Variants in LAT2 observed in about 807,000 individuals in gnomAD.
LAT2 encodes the protein linker for activation of T-cells family member 2.
LAT2 carries 23 observed loss-of-function variants against 43.4 expected under a neutral mutation model. The ratio of observed to expected loss-of-function variants is 0.53; its 90% CI spans 0.38 to 0.75. The LOEUF (loss-of-function observed/expected upper bound fraction) is 0.75, where lower values mean the gene tolerates loss of function less well. LAT2 is among the 30% of genes least tolerant of loss of function. The pLI is 0.00. For synonymous variants in LAT2, 128 were observed against 123.2 expected (o/e 1.04, Z -0.26); for missense variants, 284 against 310.2 (o/e 0.92, Z 0.64).
rs567869295 is a variant in LAT2 at position 74,214,900 on chromosome 7, C to T, written c.-140C>T. 4.1e-5 allele frequency: 6 copies of T among 146,720 alleles called. No homozygotes were observed. The highest frequency in any genetic ancestry group is 8.9e-5 in the Non-Finnish European group (6 of 67,450). 9.1% of individuals were successfully genotyped at this position (146,720 alleles called of 1,614,324 possible). A position where few individuals can be genotyped will look rare whatever the true frequency, so the allele number is the denominator to read the frequency against. Reference sequence around the variant, plus strand: ...GATCCTCCCTGCCTCGGCCTCCCAACGTGCTGGGATTATAGGCGTGAGCCA... The same window carrying T: ...GATCCTCCCTGCCTCGGCCTCCCAATGTGCTGGGATTATAGGCGTGAGCCA... On this transcript the variant is annotated 5_prime_UTR_variant, in exon 2 of 14. The change creates a new upstream start codon in the 5' untranslated region. Coordinates refer to ENST00000460943, the MANE Select transcript of LAT2 (RefSeq NM_032464.3).
At chr7:74,216,423 G>A (rs1373196855) in intron 3 of LAT2, among the ~76,000 whole-genome samples, 3 of 152,074 alleles carry the variant, frequency 2.0e-5, no homozygotes, top group African/African-American at 7.2e-5. Flanking sequence ...CCAGGCTGGA[G>A]GGCAGTGATG....
intron 1 of LAT2, among the ~76,000 whole-genome samples, chr7:74,213,484 G>A (rs913156666): frequency 6.1e-5 from 9 of 148,256 alleles, no homozygotes; most frequent in African/African-American, 2.3e-4. Flanking sequence ...GAGTGCAGTG[G>A]CATGATCTCG....
At chr7:74,223,815 C>T (rs781909218) in intron 11 of LAT2, 32 bp downstream of exon 11, 1 of 1,605,526 alleles carries the variant, frequency 6.2e-7, no homozygotes, top group South Asian at 1.1e-5. Context: ...CAGGCTGGGG[C>T]TGGGAGCAGC....
chr7:74,228,272 C>G (rs1250398915), intron 13 of LAT2, among the ~76,000 whole-genome samples: 8 of 145,870 alleles, frequency 5.5e-5, no homozygotes, highest in Non-Finnish European at 9.0e-5. Context: ...GTCAGGAGAT[C>G]GAGACCATCC....
At chr7:74,213,764 C>T (rs1255095582) in intron 1 of LAT2, among the ~76,000 whole-genome samples, 1 of 152,002 alleles carries the variant, frequency 6.6e-6, no homozygotes, top group Non-Finnish European at 1.5e-5. Context: ...CTCCAAGCCT[C>T]ACCTTCCCCA....
intron 3 of LAT2, 46 bp from the exon 4 acceptor site, chr7:74,216,779 C>G: frequency 6.3e-7 from 1 of 1,587,196 alleles, no homozygotes; most frequent in South Asian, 1.1e-5. Context: ...GACCTCAGGT[C>G]GCAGCTGCTC....
chr7:74,214,380 A>G (rs1554713763), intron 1 of LAT2, among the ~76,000 whole-genome samples: 31 of 70,420 alleles, frequency 4.4e-4, no homozygotes, highest in African/African-American at 1.4e-3. Context: ...ATATGAAAAT[A>G]TATATATAAA....
intron 4 of LAT2, among the ~76,000 whole-genome samples, chr7:74,219,185 C>T (rs891367826): frequency 2.6e-5 from 4 of 151,620 alleles, no homozygotes; most frequent in Admixed American, 6.6e-5. Flanking sequence ...TACAGGCGCC[C>T]GCCACCGCGC....
chr7:74,212,648 TC>T (rs1267999295), intron 1 of LAT2, among the ~76,000 whole-genome samples: 25 of 152,252 alleles, frequency 1.6e-4, no homozygotes, highest in African/African-American at 6.0e-4. Context: ...CCATGAGCCC[TC>T]CTGCAAGACA....
At position 74,220,705 on chromosome 7, in the gene LAT2, A is replaced by C. The variant is rs782652767; in HGVS notation, c.303A>C (p.Gly101=). ...ASSRYQNFSK[G]SRHGSEEAYI... is the part of the protein sequence containing the mutation. ...CCCAATTCTCGCCTCCTCCCGCAGGAAGCAGACACGGGTCGGAGGAAGCCT... is the reference window on the plus strand; with the variant it reads ...CCCAATTCTCGCCTCCTCCCGCAGGCAGCAGACACGGGTCGGAGGAAGCCT... The change falls in exon 9 of 14, where the codon GGA becomes GGC. Residue 101 remains glycine, a splice_region_variant and synonymous_variant. Coordinates refer to ENST00000460943, the MANE Select transcript of LAT2 (RefSeq NM_032464.3). This position sits in a 1 kb window ranked among gnomAD's most constrained non-coding sequence, Gnocchi z 4.5. 3.7e-6 allele frequency: 6 copies of C among 1,608,062 alleles called. No homozygotes were observed. The African/African-American group carries it at 8.0e-5, about 22-fold the overall frequency.
chr7:74,217,437 G>GA (rs1330855507), intron 4 of LAT2, among the ~76,000 whole-genome samples: 4 of 150,520 alleles, frequency 2.7e-5, no homozygotes, highest in Non-Finnish European at 4.4e-5. Flanking sequence ...TCTCAGAAAA[G>GA]AAAAAAAGAA....
At chr7:74,210,118 T>G (rs1377273892) in intron 1 of LAT2, 30 bp downstream of exon 1, 2 of 152,490 alleles carry the variant, frequency 1.3e-5, no homozygotes, top group Admixed American at 1.3e-4. Context: ...GCCTCAGTCC[T>G]CAGGCTGTCC....
intron 13 of LAT2, chr7:74,225,535 A>G (rs1554716000): frequency 6.6e-6 from 1 of 152,342 alleles, no homozygotes; most frequent in Non-Finnish European, 1.5e-5. Context: ...GGCCAGTGAG[A>G]TGGTGCGGCG....
At chr7:74,210,630 T>C (rs1801699649) in intron 1 of LAT2, among the ~76,000 whole-genome samples, 2 of 151,860 alleles carry the variant, frequency 1.3e-5, no homozygotes, top group South Asian at 2.1e-4. Flanking sequence ...CTAGGCTCAT[T>C]TGAAGCCCAG....
intron 1 of LAT2, among the ~76,000 whole-genome samples, chr7:74,214,379 T>A (rs868990755): frequency 3.8e-4 from 25 of 66,214 alleles, no homozygotes; most frequent in African/African-American, 1.5e-3. Flanking sequence ...TATATGAAAA[T>A]ATATATATAA....
chr7:74,222,106 C>T (rs961255673), intron 10 of LAT2, among the ~76,000 whole-genome samples: 15 of 151,592 alleles, frequency 9.9e-5, no homozygotes, highest in African/African-American at 3.6e-4. Flanking sequence ...AACTGAGAGG[C>T]CGGGTGTGGT....
Position 74,220,013 on chromosome 7 carries a change from G to A in LAT2, c.227+5G>A. The A allele has an allele frequency of 1.9e-6, 3 of 1,613,604 alleles. No individual in the cohort carries two copies. In the South Asian group the frequency reaches 3.3e-5, roughly 18 times the overall value. On this transcript the variant is annotated splice_donor_5th_base_variant and intron_variant, in intron 6 of 13. Coordinates refer to ENST00000460943, the MANE Select transcript of LAT2 (RefSeq NM_032464.3). This position sits in a 1 kb window ranked among gnomAD's most constrained non-coding sequence, Gnocchi z 4.5. ...GGCGGACATGGCACCCACAAGGTAG[G>A]TCACAGTCCCCCAGGAAGTGACAAG...
chr7:74,221,080 C>T (rs906675627), intron 9 of LAT2, among the ~76,000 whole-genome samples: 16 of 152,138 alleles, frequency 1.1e-4, no homozygotes, highest in African/African-American at 3.9e-4. Context: ...GTTGCATCAT[C>T]TCACAGATGG....
In LAT2 at chr7:74,220,741, G is replaced by T. The variant is rs1273072180; in HGVS notation, c.332+7G>T. ...GGTCGGAGGAAGCCTACATGTGAGTGACCTTGATCCTGTCCCCCCTGCCTC... is the reference window on the plus strand; with the variant it reads ...GGTCGGAGGAAGCCTACATGTGAGTTACCTTGATCCTGTCCCCCCTGCCTC... On this transcript the variant is annotated splice_region_variant and intron_variant, in intron 9 of 13. Transcript: ENST00000460943. The surrounding 1 kb of genome is among the most constrained non-coding windows in gnomAD (Gnocchi z 4.5). 25 of 1,581,996 alleles carry T rather than the reference G, an allele frequency of 1.6e-5. No homozygotes were observed. The highest frequency in any genetic ancestry group is 2.0e-5 in the Non-Finnish European group (23 of 1,159,008).
Sources: allele counts gnomAD v4.1 joint callset (sites outside exome capture counted in the v4.1 genomes callset), GRCh38; gene constraint gnomAD v4.1.1; non-coding constraint Gnocchi (gnomAD v3.1); transcripts MANE v1.5; gene names NCBI Gene and HGNC (gene_info 2026-07-23, HGNC 2026-07-21).